Variants in DAB1 observed in about 807,000 individuals in gnomAD.
DAB1 encodes the protein disabled homolog 1.
Under a neutral mutation model 64.6 loss-of-function variants are expected in DAB1, and 15 were observed. The ratio of observed to expected loss-of-function variants is 0.23; its 90% CI spans 0.16 to 0.36. The LOEUF is 0.36. DAB1 is among the 10% of genes least tolerant of loss of function. The pLI, the probability that DAB1 is intolerant of heterozygous loss-of-function variation, is 1.00. For synonymous variants in DAB1, 235 were observed against 251.9 expected, an observed-to-expected ratio of 0.93 and a Z score of 0.64; for missense variants, 596 against 706.7, an observed-to-expected ratio of 0.84 and a Z score of 1.78.
chr1:58,049,171 T>G (rs1287617982), intron 5 of DAB1: 1 of 778,380 alleles, frequency 1.3e-6, no homozygotes, highest in Non-Finnish European at 2.3e-6. Context: ...ACACAGTCCG[T>G]GAGCGTTCCC....
At chr1:58,432,501 G>A (rs1237044041) in intron 3 of DAB1, among the ~76,000 whole-genome samples, 1 of 152,076 alleles carries the variant, frequency 6.6e-6, no homozygotes, top group Non-Finnish European at 1.5e-5. Context: ...CAAATTAGAG[G>A]TTACCTCTTC....
Position 57,291,026 on chromosome 1 carries a change from G to A in DAB1, c.5C>T (p.Ser2Leu). 1.2e-6 allele frequency: 2 copies of A among 1,610,620 alleles called. No homozygotes were observed. Among genetic ancestry groups the A allele is most frequent in the Non-Finnish European group, 1.7e-6 (2 of 1,178,070 alleles). ...AGCTACTTGAAGTTCTGTCTCAGTT[G>A]ACATCCTACTTAATCCTTAGTCCAC... M[S>L]TETELQVAVK... is the part of the protein sequence containing the mutation. The change falls in exon 2 of 15, where the codon TCA becomes TTA. Residue 2 changes from serine to leucine, a missense_variant. Coordinates refer to ENST00000371236, the MANE Select transcript of DAB1 (RefSeq NM_001365792.1).
intron 5 of DAB1, among the ~76,000 whole-genome samples, chr1:57,979,981 C>T (rs148616679): frequency 0.01 from 1,529 of 152,238 alleles, 12 homozygotes; most frequent in Middle Eastern, 0.02. Flanking sequence ...ATTATTTTGA[C>T]CTTGCCTGAC....
chr1:57,956,684 C>A (rs1316274182), intron 5 of DAB1, among the ~76,000 whole-genome samples: 1 of 152,170 alleles, frequency 6.6e-6, no homozygotes, highest in Non-Finnish European at 1.5e-5. Flanking sequence ...TTCATTCCGA[C>A]GGAGTTCGAC....
intron 7 of DAB1, among the ~76,000 whole-genome samples, chr1:57,632,703 A>G (rs578042492): frequency 6.6e-5 from 10 of 152,328 alleles, no homozygotes; most frequent in Admixed American, 6.5e-4. Context: ...GTCAAGAGAT[A>G]ACACCTGAAA....
intron 9 of DAB1, among the ~76,000 whole-genome samples, chr1:57,045,657 C>T (rs966694471): frequency 6.6e-6 from 1 of 152,048 alleles, no homozygotes; most frequent in African/African-American, 2.4e-5. Flanking sequence ...GAGATCACAC[C>T]ACTGCATTCC....
chr1:57,327,501 G>A (rs1245990254), intron 1 of DAB1, among the ~76,000 whole-genome samples: 1 of 152,054 alleles, frequency 6.6e-6, no homozygotes, highest in African/African-American at 2.4e-5. Flanking sequence ...TCCTCCGGAC[G>A]GCAGATGGGG....
intron 4 of DAB1, among the ~76,000 whole-genome samples, chr1:58,181,989 C>T (rs113327096): frequency 1.3e-5 from 2 of 151,956 alleles, no homozygotes; most frequent in African/African-American, 2.4e-5. Flanking sequence ...GGTCTGCTAG[C>T]CACAAATTCA....
intron 5 of DAB1, among the ~76,000 whole-genome samples, chr1:58,125,878 A>G (rs1653040849): frequency 6.6e-6 from 1 of 152,136 alleles, no homozygotes; most frequent in Non-Finnish European, 1.5e-5. Flanking sequence ...CTGGTTTATG[A>G]CAGTATCACT....
chr1:58,531,348 G>T (rs183596947), intron 1 of DAB1, among the ~76,000 whole-genome samples: 2 of 152,224 alleles, frequency 1.3e-5, no homozygotes, highest in East Asian at 3.9e-4. Flanking sequence ...TTGTAAATTT[G>T]TAAGTCTAGT....
chr1:57,470,784 A>T (rs1231439144), intron 7 of DAB1, among the ~76,000 whole-genome samples: 1 of 152,236 alleles, frequency 6.6e-6, no homozygotes, highest in Admixed American at 6.5e-5. Context: ...GTCTATAGCC[A>T]TTAGAATAAA....
At chr1:57,167,395 C>G (rs1002749406) in intron 2 of DAB1, among the ~76,000 whole-genome samples, 1 of 152,104 alleles carries the variant, frequency 6.6e-6, no homozygotes, top group Non-Finnish European at 1.5e-5. Context: ...GAAGAGTCAC[C>G]CCTTGTATGC....
intron 2 of DAB1, among the ~76,000 whole-genome samples, chr1:57,161,585 A>C (rs1489456831): frequency 6.6e-6 from 1 of 152,248 alleles, no homozygotes; most frequent in Non-Finnish European, 1.5e-5. Context: ...ATGAGGAGTG[A>C]ATATGACCTT....
chr1:58,384,057 T>G (rs553230747), intron 3 of DAB1, among the ~76,000 whole-genome samples: 2 of 151,968 alleles, frequency 1.3e-5, no homozygotes, highest in South Asian at 4.1e-4. Context: ...CTTTTGTTGT[T>G]GTTTTTTTTT....
intron 3 of DAB1, among the ~76,000 whole-genome samples, chr1:58,440,813 C>T (rs1040040822): frequency 1.2e-4 from 19 of 152,106 alleles, no homozygotes; most frequent in Admixed American, 3.9e-4. Flanking sequence ...ACTAACCAAC[C>T]AGAGACAGAT....
intron 3 of DAB1, among the ~76,000 whole-genome samples, chr1:58,424,295 A>T (rs558340046): frequency 5.8e-4 from 88 of 152,322 alleles, no homozygotes; most frequent in Middle Eastern, 3.4e-3. Context: ...CACCCACAGT[A>T]AGGAGGGCAA....
At chr1:57,882,696 C>G (rs1286953473) in intron 1 of DAB1, among the ~76,000 whole-genome samples, 2 of 152,132 alleles carry the variant, frequency 1.3e-5, no homozygotes, top group East Asian at 3.9e-4. Context: ...CCCTTCACCC[C>G]ATGAAACAAA....
At chr1:58,383,042 G>C (rs2100548731) in intron 3 of DAB1, among the ~76,000 whole-genome samples, 1 of 152,032 alleles carries the variant, frequency 6.6e-6, no homozygotes, top group Middle Eastern at 3.4e-3. Context: ...GGGACACGTA[G>C]CAAAGAGTTA....
chr1:57,687,566 G>A (rs1235369357), intron 6 of DAB1, among the ~76,000 whole-genome samples: 2 of 35,670 alleles, frequency 5.6e-5, no homozygotes, highest in African/African-American at 1.2e-4. Context: ...AACAACAACA[G>A]AAAACCTGAA....
Sources: gnomAD v4.1 joint callset for allele counts (sites outside exome capture counted in the v4.1 genomes callset) on GRCh38, gnomAD v4.1.1 for gene constraint, MANE v1.5 for transcripts, NCBI Gene and HGNC (gene_info 2026-07-23, HGNC 2026-07-21) for gene names.